Variants in COG6 observed in about 807,000 individuals in gnomAD.
COG6 encodes the protein component of oligomeric golgi complex 6.
Under a neutral mutation model 88.8 loss-of-function variants are expected in COG6, and 74 were observed. That is an observed-to-expected ratio of 0.83 (90% CI 0.69 to 1.01). COG6 has a LOEUF of 1.01. COG6 is among the 50% of genes least tolerant of loss of function. COG6 has a pLI of 0.00. For missense variants in COG6, 800 were observed against 797.9 expected (o/e 1.00, Z -0.03); for synonymous variants, 286 against 278.7 (o/e 1.03, Z -0.26).
chr13:39,763,828 G>C (rs2138167550), intron 18 of COG6, among the ~76,000 whole-genome samples: 1 of 151,672 alleles, frequency 6.6e-6, no homozygotes, highest in African/African-American at 2.4e-5. Context: ...ACTTCATTTA[G>C]GATTTTTACA....
chr13:39,714,584 T>G (rs577864883), intron 13 of COG6, among the ~76,000 whole-genome samples: 134 of 152,168 alleles, frequency 8.8e-4, no homozygotes, highest in African/African-American at 3.2e-3. Flanking sequence ...CACCTTACTC[T>G]TGTAAGAATG....
chr13:39,719,203 T>A, intron 13 of COG6, 33 bp from the exon 14 acceptor site: 1 of 1,608,152 alleles, frequency 6.2e-7, no homozygotes, highest in Non-Finnish European at 8.5e-7. Flanking sequence ...GTGGAAAAAA[T>A]ATAAGGAGTG....
chr13:39,660,733 A>G lies in COG6; in HGVS notation c.298-77A>G, dbSNP rs1874843504. On this transcript the variant is annotated intron_variant, in intron 2 of 18. Transcript: ENST00000455146. ...AAAAATAAAAAATTATGTAACTAAA[A>G]TAAGGATTTAGCTAACAGAAGAGAA... 8 of 968,982 alleles carry G rather than the reference A, an allele frequency of 8.3e-6. 1 individual carries two copies. In the Admixed American group the frequency reaches 1.2e-4, roughly 15 times the overall value. The allele number at this position is 968,982 out of a possible 1,614,324, so 60.0% of individuals were successfully genotyped here. A position where few individuals can be genotyped will look rare whatever the true frequency, so the allele number is the denominator to read the frequency against.
At chr13:39,708,990 G>T (rs553202655) in intron 13 of COG6, among the ~76,000 whole-genome samples, 14 of 152,032 alleles carry the variant, frequency 9.2e-5, no homozygotes, top group South Asian at 2.1e-4. Context: ...AATTGATGGG[G>T]CTCCGCATTA....
In COG6 at chr13:39,719,219, A is replaced by G. The variant is rs371703861; in HGVS notation, c.1285-17A>G. On this transcript the variant is annotated splice_polypyrimidine_tract_variant and intron_variant, in intron 13 of 18. Coordinates refer to ENST00000455146, the MANE Select transcript of COG6 (RefSeq NM_020751.3). The stretch of plus-strand genomic sequence containing the variant: ...TGGAAAAAATATAAGGAGTGGGTAA[A>G]TCATCTCTTGTTTTAGGTTGAACTC... 1.2e-5 allele frequency: 20 copies of G among 1,611,268 alleles called. No homozygotes were observed. The African/African-American group carries it at 1.9e-4, about 15-fold the overall frequency.
chr13:39,667,577 C>CTT (rs1164763263), intron 4 of COG6, among the ~76,000 whole-genome samples: 1 of 152,130 alleles, frequency 6.6e-6, no homozygotes, highest in Non-Finnish European at 1.5e-5. Flanking sequence ...TTTTCTAGTA[C>CTT]TTTTCAGAGC....
At chr13:39,727,432 A>G (rs1374214578) in intron 17 of COG6, 37 bp from the exon 18 acceptor site, 3 of 1,453,460 alleles carry the variant, frequency 2.1e-6, no homozygotes, top group South Asian at 2.3e-5. Context: ...TAGCACATAT[A>G]TGTACTTTAT....
chr13:39,667,255 T>C (rs1376464481), intron 4 of COG6, among the ~76,000 whole-genome samples: 1 of 152,234 alleles, frequency 6.6e-6, no homozygotes, highest in Non-Finnish European at 1.5e-5. Flanking sequence ...AACAACTAAG[T>C]ATCAAAGCTT....
intron 13 of COG6, among the ~76,000 whole-genome samples, chr13:39,706,235 T>TTTTA (rs1555278547): frequency 1.9e-5 from 2 of 106,452 alleles, no homozygotes; most frequent in Non-Finnish European, 4.1e-5. Flanking sequence ...ATATACTCCT[T>TTTTA]TATATATATA....
At chr13:39,683,779 C>T (rs1023788681) in intron 8 of COG6, among the ~76,000 whole-genome samples, 2 of 151,028 alleles carry the variant, frequency 1.3e-5, no homozygotes, top group Non-Finnish European at 2.9e-5. Context: ...GTTTTGGGCA[C>T]CTTTGTTTGT....
At chr13:39,655,943 C>A in intron 1 of COG6, 64 bp downstream of exon 1, 3 of 1,550,862 alleles carry the variant, frequency 1.9e-6, no homozygotes, top group Non-Finnish European at 2.6e-6. Flanking sequence ...CCAGGGGCGG[C>A]GTCTGTCAGG....
At chr13:39,701,212 A>C (rs1326583977) in intron 13 of COG6, among the ~76,000 whole-genome samples, 1 of 151,758 alleles carries the variant, frequency 6.6e-6, no homozygotes, top group Non-Finnish European at 1.5e-5. Flanking sequence ...AGTGAGAGGG[A>C]GTCATCTAGA....
At chr13:39,761,052 C>T (rs569409288) in intron 18 of COG6, among the ~76,000 whole-genome samples, 29 of 151,928 alleles carry the variant, frequency 1.9e-4, no homozygotes, top group Non-Finnish European at 4.0e-4. Context: ...ATTTCTTCAA[C>T]AGCTATTGGG....
chr13:39,696,420 G>A (rs1877277678), intron 12 of COG6, among the ~76,000 whole-genome samples: 1 of 151,874 alleles, frequency 6.6e-6, no homozygotes, highest in South Asian at 2.1e-4. Context: ...GAAGATATAT[G>A]TGTGTGTGAC....
chr13:39,715,292 C>CAG (rs71200119), intron 13 of COG6, among the ~76,000 whole-genome samples: 1 of 151,688 alleles, frequency 6.6e-6, no homozygotes, highest in Non-Finnish European at 1.5e-5. Context: ...CACACACACA[C>CAG]AAACACACAC....
intron 18 of COG6, among the ~76,000 whole-genome samples, chr13:39,731,305 C>G (rs1445129712): frequency 6.6e-6 from 1 of 152,002 alleles, no homozygotes; most frequent in East Asian, 1.9e-4. Flanking sequence ...AGCACTTCAG[C>G]CTTGGAATAA....
chr13:39,677,471 A>G lies in COG6; in HGVS notation c.432A>G (p.Gln144=), dbSNP rs776995938. 1.2e-6 allele frequency: 2 copies of G among 1,601,146 alleles called. No individual in the cohort carries two copies. Among genetic ancestry groups the G allele is most frequent in the South Asian group, 1.1e-5 (1 of 90,838 alleles). ...TTGCTTGTTTTGAAAATTACAGCCAAAAATTAGAGATAAGAGCTCAAGTTG... is the reference window on the plus strand; with the variant it reads ...TTGCTTGTTTTGAAAATTACAGCCAGAAATTAGAGATAAGAGCTCAAGTTG... ...VKTTKLQSES[Q]KLEIRAQVAD... The change falls in exon 5 of 19, where the codon CAA becomes CAG. Residue 144 remains glutamine (Q), a synonymous_variant. Coordinates refer to ENST00000455146, the MANE Select transcript of COG6 (RefSeq NM_020751.3).
At chr13:39,765,430 A>G (rs1158858444) in intron 18 of COG6, among the ~76,000 whole-genome samples, 2 of 152,192 alleles carry the variant, frequency 1.3e-5, no homozygotes. Flanking sequence ...TGATTTTTGA[A>G]TACTAGCATA....
chr13:39,696,259 A>G (rs895046696), intron 12 of COG6, among the ~76,000 whole-genome samples: 1 of 151,954 alleles, frequency 6.6e-6, no homozygotes, highest in Non-Finnish European at 1.5e-5. Context: ...TCTAGGTGGT[A>G]AGGAAACAGT....
Sources: gnomAD v4.1 joint callset for allele counts (sites outside exome capture counted in the v4.1 genomes callset) on GRCh38, gnomAD v4.1.1 for gene constraint, MANE v1.5 for transcripts, NCBI Gene and HGNC (gene_info 2026-07-23, HGNC 2026-07-21) for gene names.